FAM20C: variants seen among roughly 807,000 people sequenced by gnomAD.
FAM20C encodes the protein extracellular serine/threonine protein kinase FAM20C.
FAM20C carries 40 observed loss-of-function variants against 51.5 expected under a neutral mutation model. The observed-to-expected ratio is 0.78, with a 90% CI of 0.60 to 1.01. The LOEUF (loss-of-function observed/expected upper bound fraction) is 1.01. Ranked by LOEUF, FAM20C falls within the 50% of genes least tolerant of loss-of-function variation. The pLI, the probability that FAM20C is intolerant of heterozygous loss-of-function variation, is 0.00. For synonymous variants in FAM20C, 406 were observed against 380.6 expected (o/e 1.07, Z -0.78); for missense variants, 861 against 844.7 (o/e 1.02, Z -0.24).
At chr7:195,901 T>C (rs1428825423) in intron 2 of FAM20C, among the ~76,000 whole-genome samples, 169 bp downstream of exon 2, 1 of 152,202 alleles carries the variant, frequency 6.6e-6, no homozygotes, top group East Asian at 1.9e-4. Flanking sequence ...AGGGCTCGCG[T>C]CTCGTGTGCT....
At chr7:240,405 G>A (rs1583323634) in intron 3 of FAM20C, among the ~76,000 whole-genome samples, 128 of 33,824 alleles carry the variant, frequency 3.8e-3, no homozygotes, top group African/African-American at 0.01. Flanking sequence ...TAGTGATAAT[G>A]ATGATGATGA....
rs546273838 is a variant in FAM20C, at chr7:218,999, T to C, written c.863+10023T>C. Among the ~76,000 whole-genome samples, 5 of 152,234 alleles carry C rather than the reference T, an allele frequency of 3.3e-5. No homozygotes were observed. In the South Asian group the frequency reaches 1.0e-3, roughly 32 times the overall value. ...CAAACCCAGTGGCATGGACGGGACTTGCTCAGAACCTGTTAGTGGCTCAGA... is the reference window on the plus strand; with the variant it reads ...CAAACCCAGTGGCATGGACGGGACTCGCTCAGAACCTGTTAGTGGCTCAGA... On this transcript the variant is annotated intron_variant, in intron 3 of 9. Coordinates refer to ENST00000313766, the MANE Select transcript of FAM20C (RefSeq NM_020223.4).
intron 4 of FAM20C, among the ~76,000 whole-genome samples, chr7:247,030 G>A (rs1788194241): frequency 6.6e-6 from 1 of 152,208 alleles, no homozygotes; most frequent in Admixed American, 6.5e-5. Flanking sequence ...GAAGGAGGCA[G>A]GGAGGGAAGG....
rs1209045157 is a variant in FAM20C, at chr7:193,984, C to T, written c.605+180C>T. On this transcript the variant is annotated intron_variant, in intron 1 of 9. Coordinates refer to ENST00000313766, the MANE Select transcript of FAM20C (RefSeq NM_020223.4). ...GCCTTTGTCTCCAGAATAACCTCCT[C>T]CTTGGGAGGGGCTGCCGGCTGGTCC... is the stretch of plus-strand genomic sequence containing the variant. 7.0e-6 allele frequency: 7 copies of T among 996,184 alleles called. No homozygotes were observed. The South Asian group carries it at 7.3e-5, about 10-fold the overall frequency. 61.7% of individuals were successfully genotyped at this position (996,184 alleles called of 1,614,324 possible). A position where few individuals can be genotyped will look rare whatever the true frequency, so the allele number is the denominator to read the frequency against.
Position 246,440 on chromosome 7 carries a change from CCT to C in FAM20C, c.890_891del (p.Pro297ArgfsTer7), listed in dbSNP as rs1260939467. On this transcript the variant is annotated frameshift_variant, in exon 4 of 10. Transcript: ENST00000313766. LOFTEE classifies it high-confidence loss of function. ...MKQTREQETP[P>X]DFFYFSDYER... is the part of the protein sequence containing the mutation. The stretch of plus-strand genomic sequence containing the variant: ...ACAAACGAGGGAGCAGGAGACACCC[CCT>C]GACTTTTTTTATTTCTCTGACTACG... The C allele has an allele frequency of 6.8e-7, 1 of 1,465,386 alleles. No individual in the cohort carries two copies. The highest frequency in any genetic ancestry group is 8.9e-7 in the Non-Finnish European group (1 of 1,118,122). 90.8% of individuals were successfully genotyped at this position (1,465,386 alleles called of 1,614,324 possible).
chr7:257,591 G>C (rs1490956966), intron 8 of FAM20C: 1 of 181,720 alleles, frequency 5.5e-6, no homozygotes, highest in East Asian at 1.6e-4. Flanking sequence ...AGGCTCGGAG[G>C]CCTCAGAGAG....
Position 260,262 on chromosome 7 carries a change from T to A in FAM20C, c.*282T>A. 2.7e-6 allele frequency: 1 copy of A among 375,660 alleles called. No homozygotes were observed. The highest frequency in any genetic ancestry group is 4.8e-6 in the Non-Finnish European group (1 of 208,606). The allele number at this position is 375,660 out of a possible 1,614,324, so 23.3% of individuals were successfully genotyped here. Reference sequence around the variant, plus strand: ...TTCTGTAGGGAAAGGAGCCTTTATTTACTATTTTGTATTTATATTTGATGA... The same window carrying A: ...TTCTGTAGGGAAAGGAGCCTTTATTAACTATTTTGTATTTATATTTGATGA... On this transcript the variant is annotated 3_prime_UTR_variant, in exon 10 of 10. Transcript: ENST00000313766.
chr7:196,513 G>A (rs772139684), intron 2 of FAM20C, among the ~76,000 whole-genome samples: 1 of 152,212 alleles, frequency 6.6e-6, no homozygotes, highest in Non-Finnish European at 1.5e-5. Context: ...GCTCCCCGGG[G>A]ATTGCAGGGA....
chr7:197,968 G>A (rs1785959690), intron 2 of FAM20C, among the ~76,000 whole-genome samples: 1 of 152,200 alleles, frequency 6.6e-6, no homozygotes, highest in Admixed American at 6.5e-5. Flanking sequence ...ACATTGCAGG[G>A]GTGTGGACAG....
chr7:197,718 A>G (rs1382589445), intron 2 of FAM20C: 1 of 152,248 alleles, frequency 6.6e-6, no homozygotes, highest in African/African-American at 2.4e-5. Flanking sequence ...TTGGCAGGCA[A>G]CTGCAGCTCG....
intron 3 of FAM20C, among the ~76,000 whole-genome samples, chr7:232,092 G>A (rs991494103): frequency 1.3e-5 from 2 of 152,250 alleles, no homozygotes; most frequent in African/African-American, 4.8e-5. Flanking sequence ...TCATCAGACT[G>A]GACGCCCCTT....
intron 2 of FAM20C, among the ~76,000 whole-genome samples, chr7:206,994 G>A (rs113253782): frequency 2.1e-5 from 1 of 47,654 alleles, no homozygotes; most frequent in Non-Finnish European, 4.0e-5. Flanking sequence ...ACTGTGAGGC[G>A]TCGGTCACTG....
chr7:226,571 G>C (rs940199798), intron 3 of FAM20C, among the ~76,000 whole-genome samples: 1 of 152,142 alleles, frequency 6.6e-6, no homozygotes, highest in East Asian at 1.9e-4. Context: ...CCCGATACCA[G>C]GTGGTGTTAA....
At chr7:235,342 G>A (rs1787816121) in intron 3 of FAM20C, among the ~76,000 whole-genome samples, 2 of 152,118 alleles carry the variant, frequency 1.3e-5, no homozygotes. Flanking sequence ...GCCGATCTGT[G>A]AGCTCAACCC....
At chr7:234,164 A>C (rs2115124596) in intron 3 of FAM20C, among the ~76,000 whole-genome samples, 1 of 152,298 alleles carries the variant, frequency 6.6e-6, no homozygotes, top group Non-Finnish European at 1.5e-5. Flanking sequence ...CGTGAGGAGG[A>C]GAGCACGAGA....
chr7:256,069 C>A, intron 6 of FAM20C, 40 bp downstream of exon 6: 3 of 1,526,248 alleles, frequency 2.0e-6, no homozygotes. Context: ...GGCCACCCTA[C>A]GGCAGAGGGA....
intron 2 of FAM20C, among the ~76,000 whole-genome samples, chr7:207,823 G>T (rs1167051694): frequency 6.6e-6 from 1 of 152,266 alleles, no homozygotes; most frequent in Non-Finnish European, 1.5e-5. Context: ...GGCTGCCCCA[G>T]GCCGAGGCCA....
intron 8 of FAM20C, among the ~76,000 whole-genome samples, chr7:257,870 GGC>G (rs1432433957): frequency 1.1e-4 from 9 of 79,478 alleles, no homozygotes; most frequent in African/African-American, 3.4e-4. Flanking sequence ...CTGGAGATGG[GGC>G]TGGGTGGACC....
chr7:245,223 G>C (rs1438291709), intron 3 of FAM20C, among the ~76,000 whole-genome samples: 1 of 152,264 alleles, frequency 6.6e-6, no homozygotes, highest in Non-Finnish European at 1.5e-5. Context: ...TGGAGTGTTG[G>C]AGCCCAGACG....
Sources: gnomAD v4.1 joint callset for allele counts (sites outside exome capture counted in the v4.1 genomes callset) on GRCh38, gnomAD v4.1.1 for gene constraint, MANE v1.5 for transcripts, NCBI Gene and HGNC (gene_info 2026-07-23, HGNC 2026-07-21) for gene names.